The following MCCC1 variants were observed in gnomAD, a reference collection of about 807,000 sequenced individuals.
The protein encoded by MCCC1 is methylcrotonoyl-CoA carboxylase subunit alpha, mitochondrial.
Under a neutral mutation model 83.8 loss-of-function variants are expected in MCCC1, and 64 were observed. That is an observed-to-expected ratio of 0.76 (90% CI 0.62 to 0.94). The LOEUF is 0.94. MCCC1 is among the 40% of genes least tolerant of loss of function. MCCC1 has a pLI of 0.00. For missense variants in MCCC1, 807 were observed against 904.7 expected (o/e 0.89, Z 1.39); for synonymous variants, 322 against 315.4 (o/e 1.02, Z -0.22).
At chr3:183,034,239 A>G (rs1224901926) in intron 13 of MCCC1, among the ~76,000 whole-genome samples, 162 bp from the exon 14 acceptor site, 1 of 152,158 alleles carries the variant, frequency 6.6e-6, no homozygotes, top group East Asian at 1.9e-4. Flanking sequence ...TCATGAGGTC[A>G]GGAGATCGAG....
At chr3:183,025,141 G>A (rs1382937953) in intron 15 of MCCC1, among the ~76,000 whole-genome samples, 2 of 152,148 alleles carry the variant, frequency 1.3e-5, no homozygotes, top group Non-Finnish European at 2.9e-5. Flanking sequence ...CTCAGGGGAT[G>A]GGGGAAGAAG....
chr3:183,057,541 A>G, intron 7 of MCCC1, 119 bp from the exon 8 acceptor site: 1 of 836,168 alleles, frequency 1.2e-6, no homozygotes, highest in Non-Finnish European at 2.0e-6. Flanking sequence ...TCCTTTAAGT[A>G]AGATCTGATA....
chr3:183,060,564 C>A (rs1183999763), intron 7 of MCCC1, among the ~76,000 whole-genome samples: 1 of 151,900 alleles, frequency 6.6e-6, no homozygotes, highest in African/African-American at 2.4e-5. Context: ...AATATGTTTG[C>A]AAATACACTT....
intron 3 of MCCC1, chr3:183,090,915 G>A (rs1450125689): frequency 4.4e-6 from 2 of 451,616 alleles, no homozygotes; most frequent in African/African-American, 4.0e-5. Context: ...GACAAGAAGA[G>A]AAGGGATCCA....
At chr3:183,030,681 T>G (rs1712991344) in intron 14 of MCCC1, among the ~76,000 whole-genome samples, 1 of 152,244 alleles carries the variant, frequency 6.6e-6, no homozygotes, top group South Asian at 2.1e-4. Context: ...CCCGCACTCT[T>G]GACCATCATG....
intron 9 of MCCC1, among the ~76,000 whole-genome samples, chr3:183,047,884 G>A (rs1316401715): frequency 6.6e-6 from 1 of 152,172 alleles, no homozygotes; most frequent in African/African-American, 2.4e-5. Flanking sequence ...ATACCAGAAG[G>A]AGAAGAAAGG....
At chr3:183,102,492 A>AT (rs1291553371), upstream of MCCC1, among the ~76,000 whole-genome samples, 4 of 152,196 alleles carry the variant, frequency 2.6e-5, no homozygotes, top group Non-Finnish European at 5.9e-5. Context: ...TAATAAAATG[A>AT]ATATTAAGAG....
rs567523999 is a variant in MCCC1, at chr3:183,035,714, A to G, written c.1594+1504T>C. Among the ~76,000 whole-genome samples, 3 of 152,288 alleles carry G rather than the reference A, an allele frequency of 2.0e-5. No homozygotes were observed. The East Asian group carries it at 5.8e-4, about 29-fold the overall frequency. ...ATAGGGTAATATAATAATTACCAAT[A>G]AAAGAGAAAAATAGATCAGATTTTT... On this transcript the variant is annotated intron_variant, in intron 13 of 18. Transcript: ENST00000265594.
intron 15 of MCCC1, chr3:183,022,757 T>A: frequency 1.9e-6 from 1 of 521,754 alleles, no homozygotes. Flanking sequence ...AGGAAGATAA[T>A]TAAAAGGGAA....
chr3:183,090,475 T>C (rs1718236354), intron 3 of MCCC1, among the ~76,000 whole-genome samples: 1 of 152,236 alleles, frequency 6.6e-6, no homozygotes, highest in East Asian at 1.9e-4. Flanking sequence ...TTTTGCCACA[T>C]GCACACAATG....
intron 3 of MCCC1, among the ~76,000 whole-genome samples, chr3:183,088,188 G>T (rs1232425227): frequency 6.7e-6 from 1 of 149,046 alleles, no homozygotes; most frequent in Non-Finnish European, 1.5e-5. Context: ...TAAATGTTTT[G>T]TTGTTGTTGT....
chr3:183,089,421 G>C (rs537283798), intron 3 of MCCC1, among the ~76,000 whole-genome samples: 1 of 152,130 alleles, frequency 6.6e-6, no homozygotes, highest in South Asian at 2.1e-4. Flanking sequence ...CCAGCGCTTT[G>C]GGACAACATA....
At chr3:183,048,622 G>T (rs1366319087) in intron 9 of MCCC1, among the ~76,000 whole-genome samples, 1 of 152,170 alleles carries the variant, frequency 6.6e-6, no homozygotes, top group Non-Finnish European at 1.5e-5. Context: ...ATTGTAAGGA[G>T]AAATAGATTA....
intron 9 of MCCC1, among the ~76,000 whole-genome samples, chr3:183,048,452 G>T (rs1714716618): frequency 6.6e-6 from 1 of 152,158 alleles, no homozygotes; most frequent in Non-Finnish European, 1.5e-5. Flanking sequence ...TAACACCAAA[G>T]AAAGTGCGAG....
chr3:183,097,353 G>C (rs544773857), intron 1 of MCCC1, among the ~76,000 whole-genome samples: 4 of 152,278 alleles, frequency 2.6e-5, no homozygotes, highest in South Asian at 2.1e-4. Context: ...AGCTACTAAA[G>C]ATTCATAACA....
chr3:183,101,734 C>T (rs537752089), upstream of MCCC1, among the ~76,000 whole-genome samples: 1 of 152,220 alleles, frequency 6.6e-6, no homozygotes, highest in Admixed American at 6.5e-5. Flanking sequence ...AAGCTTTGTT[C>T]TTTCGCTCTT....
At position 183,020,191 on chromosome 3, in the gene MCCC1, G is replaced by A. The variant is rs950837743; in HGVS notation, c.1916C>T (p.Ser639Phe). The change falls in exon 17 of 19, where the codon TCT becomes TTT. Residue 639 changes from serine (S) to phenylalanine (F), a missense_variant. Physicochemically the swap from Ser to Phe is radical, Grantham distance 155. Transcript: ENST00000265594. The part of the protein sequence containing the change: ...IDIPVPKYLS[S>F]VSSQETQGGP... ...GCCCTGAGTTTCTTGTGAGCTCACA[G>A]AAGATAAGTATTTGGGGACTGGAAT... The A allele has an allele frequency of 6.2e-7, 1 of 1,613,984 alleles. No individual in the cohort carries two copies. Among genetic ancestry groups the A allele is most frequent in the African/African-American group, 1.3e-5 (1 of 74,934 alleles).
At chr3:183,096,353 A>G (rs575074435) in intron 1 of MCCC1, among the ~76,000 whole-genome samples, 1 of 152,118 alleles carries the variant, frequency 6.6e-6, no homozygotes, top group Non-Finnish European at 1.5e-5. Context: ...AAAATAAATA[A>G]ATAAATAAAA....
At chr3:183,037,508 T>C (rs1318302310) in intron 12 of MCCC1, 74 bp from the exon 13 acceptor site, 2 of 1,220,854 alleles carry the variant, frequency 1.6e-6, no homozygotes, top group Admixed American at 3.8e-5. Context: ...CTGCTCTTTT[T>C]ATCTAAGTAT....
Sources: allele counts gnomAD v4.1 joint callset (sites outside exome capture counted in the v4.1 genomes callset), GRCh38; gene constraint gnomAD v4.1.1; transcripts MANE v1.5; gene names NCBI Gene and HGNC (gene_info 2026-07-23, HGNC 2026-07-21).